PAQR5: variants seen among roughly 807,000 people sequenced by gnomAD.
The protein encoded by PAQR5 is progestin and adipoQ receptor family member 5.
PAQR5 carries 20 observed loss-of-function variants against 34.5 expected under a neutral mutation model. The ratio of observed to expected loss-of-function variants is 0.58; its 90% CI spans 0.41 to 0.84. The LOEUF (loss-of-function observed/expected upper bound fraction) is 0.84, where lower values mean the gene tolerates loss of function less well. Among genes scored for constraint, PAQR5 ranks in the 40% least tolerant of loss-of-function variants. PAQR5 has a pLI of 0.00. For missense variants in PAQR5, 378 were observed against 412.7 expected, an observed-to-expected ratio of 0.92 and a Z score of 0.73; for synonymous variants, 131 against 155.6, an observed-to-expected ratio of 0.84 and a Z score of 1.18.
At chr15:69,311,579 C>T (rs1224938075) in intron 1 of PAQR5, among the ~76,000 whole-genome samples, 4 of 152,182 alleles carry the variant, frequency 2.6e-5, no homozygotes, top group African/African-American at 9.7e-5. Flanking sequence ...TTTCCCTGCC[C>T]TTAGTCGCCC....
At chr15:69,374,902 G>A (rs1004055915) in intron 3 of PAQR5, among the ~76,000 whole-genome samples, 54 of 152,212 alleles carry the variant, frequency 3.5e-4, no homozygotes, top group African/African-American at 9.6e-4. Context: ...TGCTGGGGTG[G>A]GAGTCCGGCT....
chr15:69,397,081 G>A (rs929700416), intron 6 of PAQR5: 1 of 434,616 alleles, frequency 2.3e-6, no homozygotes, highest in South Asian at 1.7e-5. Flanking sequence ...CCCCCCAAGA[G>A]TCTGTGGCAG....
rs1480212651 is a variant in PAQR5 at position 69,300,456 on chromosome 15, T to C, written c.-277+1400T>C. 2.0e-5 allele frequency among the ~76,000 whole-genome samples: 3 copies of C among 152,106 alleles called. No individual in the cohort carries two copies. In the South Asian group the frequency reaches 6.2e-4, roughly 31 times the overall value. ...AGAAAGGGCACTCTGAAAAGTTGGA[T>C]CAGAAAGGTGTCCAGCCCCACCACT... On this transcript the variant is annotated intron_variant, in intron 1 of 8. Coordinates refer to ENST00000395407, the MANE Select transcript of PAQR5 (RefSeq NM_017705.4).
intron 3 of PAQR5, among the ~76,000 whole-genome samples, chr15:69,366,866 G>A (rs12324162): frequency 0.83 from 126,374 of 151,980 alleles, 55,149 homozygotes; most frequent in South Asian, 0.98. Context: ...TGTTTTTTAG[G>A]TATATCCAAG....
intron 2 of PAQR5, among the ~76,000 whole-genome samples, chr15:69,338,068 CT>C (rs1004577107): frequency 2.0e-5 from 3 of 152,062 alleles, no homozygotes; most frequent in Non-Finnish European, 4.4e-5. Flanking sequence ...CAGAGCAAGA[CT>C]CTGTCTCAAA....
chr15:69,355,198 T>G (rs1457949234), intron 2 of PAQR5, among the ~76,000 whole-genome samples: 1 of 152,170 alleles, frequency 6.6e-6, no homozygotes, highest in Admixed American at 6.5e-5. Flanking sequence ...TATCTGTTTA[T>G]CTACCTACCT....
intron 1 of PAQR5, among the ~76,000 whole-genome samples, chr15:69,309,698 C>A (rs181545138): frequency 6.6e-6 from 1 of 152,120 alleles, no homozygotes; most frequent in Non-Finnish European, 1.5e-5. Flanking sequence ...TCTGCCCCTG[C>A]GTCTTAATTT....
chr15:69,312,424 C>G (rs1215494515), intron 1 of PAQR5, among the ~76,000 whole-genome samples: 1 of 152,050 alleles, frequency 6.6e-6, no homozygotes. Flanking sequence ...AAACCCCCTA[C>G]CCTGCTACCT....
At chr15:69,332,108 A>C (rs757628537) in intron 1 of PAQR5, among the ~76,000 whole-genome samples, 3 of 152,192 alleles carry the variant, frequency 2.0e-5, no homozygotes, top group Non-Finnish European at 4.4e-5. Context: ...ACAGTAAACT[A>C]TTGGTCTCCT....
intron 1 of PAQR5, among the ~76,000 whole-genome samples, chr15:69,323,205 C>T (rs922463026): frequency 6.6e-6 from 1 of 152,218 alleles, no homozygotes; most frequent in African/African-American, 2.4e-5. Flanking sequence ...CAAGAGTCTG[C>T]CTGGATCTCC....
At chr15:69,349,125 C>A (rs2054847261) in intron 2 of PAQR5, among the ~76,000 whole-genome samples, 1 of 151,942 alleles carries the variant, frequency 6.6e-6, no homozygotes, top group African/African-American at 2.4e-5. Context: ...GAAAATTTGC[C>A]CGTAATGTGG....
At position 69,339,168 on chromosome 15, in the gene PAQR5, A is replaced by ACCCCCC. The variant is rs111647955; in HGVS notation, c.-116+1668_-116+1669insCCCCCC. On this transcript the variant is annotated intron_variant, in intron 2 of 8. Coordinates refer to ENST00000395407, the MANE Select transcript of PAQR5 (RefSeq NM_017705.4). ...AGTCACCACTCCTGGCCCACTGGCT[A>ACCCCCC]CACCCCCCACCCCGCCACCAAGTTA... Among the ~76,000 whole-genome samples the ACCCCCC allele has an allele frequency of 7.4e-4, 99 of 134,028 alleles. 1 individual carries two copies. Among genetic ancestry groups the ACCCCCC allele is most frequent in the Non-Finnish European group, 1.2e-3 (75 of 60,218 alleles). 87.9% of individuals were successfully genotyped at this position (134,028 alleles called of 152,430 possible).
At chr15:69,361,826 G>A (rs2055241248) in intron 3 of PAQR5, among the ~76,000 whole-genome samples, 1 of 152,180 alleles carries the variant, frequency 6.6e-6, no homozygotes, top group Non-Finnish European at 1.5e-5. Flanking sequence ...GGGAGGAAGT[G>A]ATCAGGGAAG....
chr15:69,365,025 C>G (rs556885474), intron 3 of PAQR5, among the ~76,000 whole-genome samples: 1 of 151,336 alleles, frequency 6.6e-6, no homozygotes, highest in Non-Finnish European at 1.5e-5. Flanking sequence ...CGTGAGCCAC[C>G]GCATCTGGCC....
chr15:69,334,319 C>T (rs534685432), intron 1 of PAQR5, among the ~76,000 whole-genome samples: 31 of 152,316 alleles, frequency 2.0e-4, no homozygotes, highest in African/African-American at 5.3e-4. Context: ...TGAGCCACTG[C>T]ACCCGACCTG....
At chr15:69,327,727 G>A (rs2054286885) in intron 1 of PAQR5, among the ~76,000 whole-genome samples, 2 of 152,270 alleles carry the variant, frequency 1.3e-5, no homozygotes, top group Admixed American at 1.3e-4. Context: ...AGGGAGGAGA[G>A]AGGAGGTTTT....
chr15:69,380,857 G>T (rs1296318126), intron 4 of PAQR5, among the ~76,000 whole-genome samples: 2 of 152,216 alleles, frequency 1.3e-5, no homozygotes, highest in African/African-American at 4.8e-5. Flanking sequence ...CGTGGCACAG[G>T]CTGGTCACTG....
intron 2 of PAQR5, among the ~76,000 whole-genome samples, chr15:69,339,393 A>C (rs1311178429): frequency 6.6e-6 from 1 of 152,136 alleles, no homozygotes; most frequent in East Asian, 1.9e-4. Flanking sequence ...TTGTCCAGAC[A>C]TGCATCCGTC....
At chr15:69,350,667 TCACACA>T (rs61320862) in intron 2 of PAQR5, among the ~76,000 whole-genome samples, 3 of 148,718 alleles carry the variant, frequency 2.0e-5, no homozygotes, top group Non-Finnish European at 4.5e-5. Flanking sequence ...AATTAAAAAA[TCACACA>T]CACACACACA....
Sources: gnomAD v4.1 joint callset for allele counts (sites outside exome capture counted in the v4.1 genomes callset) on GRCh38, gnomAD v4.1.1 for gene constraint, MANE v1.5 for transcripts, NCBI Gene and HGNC (gene_info 2026-07-23, HGNC 2026-07-21) for gene names.